SUPT3H: variants seen among roughly 807,000 people sequenced by gnomAD.
The protein encoded by SUPT3H is transcription initiation protein SPT3 homolog.
A neutral mutation model predicts 44.3 loss-of-function variants in SUPT3H; 44 were observed. That is an observed-to-expected ratio of 0.99 (90% CI 0.78 to 1.28). The LOEUF (loss-of-function observed/expected upper bound fraction) is 1.28. Among genes scored for constraint, SUPT3H ranks in the 50% most tolerant of loss-of-function variants. The probability of loss-of-function intolerance (pLI) is 0.00; values close to 1 mark genes in which losing one functional copy is unlikely to be tolerated. For synonymous variants in SUPT3H, 124 were observed against 125.6 expected, an observed-to-expected ratio of 0.99 and a Z score of 0.09; for missense variants, 380 against 387.1, an observed-to-expected ratio of 0.98 and a Z score of 0.15.
intron 10 of SUPT3H, among the ~76,000 whole-genome samples, chr6:44,890,785 A>T (rs1005071330): frequency 6.6e-6 from 1 of 151,620 alleles, no homozygotes; most frequent in African/African-American, 2.4e-5. Flanking sequence ...AAAAAAGAAA[A>T]TGTGGCACAC....
At chr6:45,327,602 T>C (rs1323012633) in intron 2 of SUPT3H, among the ~76,000 whole-genome samples, 1 of 151,970 alleles carries the variant, frequency 6.6e-6, no homozygotes, top group African/African-American at 2.4e-5. Context: ...AAGGCCGCCA[T>C]CTAATAGATT....
intron 2 of SUPT3H, among the ~76,000 whole-genome samples, chr6:45,272,120 T>C (rs966971189): frequency 6.6e-6 from 1 of 152,212 alleles, no homozygotes; most frequent in African/African-American, 2.4e-5. Flanking sequence ...TTGCCTTGTC[T>C]CAGATGAGAC....
chr6:45,223,121 T>C (rs186820409), intron 2 of SUPT3H, among the ~76,000 whole-genome samples: 2 of 152,228 alleles, frequency 1.3e-5, no homozygotes, highest in Admixed American at 1.3e-4. Context: ...AGAACTGTTA[T>C]GTGTCTTGAC....
intron 2 of SUPT3H, among the ~76,000 whole-genome samples, chr6:45,188,488 A>G (rs922966336): frequency 6.6e-6 from 1 of 152,242 alleles, no homozygotes; most frequent in Non-Finnish European, 1.5e-5. Flanking sequence ...TCTAATTTAT[A>G]GCAATCAGGT....
At chr6:44,888,525 C>T (rs528312221) in intron 10 of SUPT3H, among the ~76,000 whole-genome samples, 7 of 152,210 alleles carry the variant, frequency 4.6e-5, no homozygotes, top group African/African-American at 9.6e-5. Flanking sequence ...CACATGATTA[C>T]CTCAATAGAT....
At chr6:44,911,398 G>GT (rs1767024641) in intron 10 of SUPT3H, among the ~76,000 whole-genome samples, 1 of 152,108 alleles carries the variant, frequency 6.6e-6, no homozygotes, top group Admixed American at 6.5e-5. Context: ...GAATGTCACT[G>GT]TTATTGACAC....
chr6:45,165,963 C>T (rs1341935424), intron 2 of SUPT3H, among the ~76,000 whole-genome samples: 5 of 152,110 alleles, frequency 3.3e-5, no homozygotes, highest in African/African-American at 4.8e-5. Flanking sequence ...TGATAAAAGA[C>T]GTGTATCTAG....
At position 45,309,689 on chromosome 6, in the gene SUPT3H, G is replaced by A. The variant is rs113422326; in HGVS notation, c.101+55512C>T. Among the ~76,000 whole-genome samples, 1,374 of 152,036 alleles carry A rather than the reference G, an allele frequency of 9.0e-3. 14 individuals carry two copies. Among genetic ancestry groups the A allele is most frequent in the South Asian group, 0.028 (135 of 4,808 alleles). On this transcript the variant is annotated intron_variant, in intron 2 of 10. Transcript: ENST00000371459. ...TTAATCCAAACAAGAATAGACGAAG[G>A]TATATTATAACCAAACTGTCAGAAA...
intron 2 of SUPT3H, among the ~76,000 whole-genome samples, chr6:45,354,559 A>G (rs980331313): frequency 2.0e-5 from 3 of 152,074 alleles, no homozygotes; most frequent in African/African-American, 7.2e-5. Context: ...TTCCTTGGAT[A>G]ATAAGGGGCT....
chr6:44,909,928 T>C (rs989724532), intron 10 of SUPT3H, among the ~76,000 whole-genome samples: 3 of 152,228 alleles, frequency 2.0e-5, no homozygotes, highest in African/African-American at 7.2e-5. Flanking sequence ...ATGAGAACTC[T>C]CACGAATTGC....
intron 10 of SUPT3H, among the ~76,000 whole-genome samples, chr6:44,831,695 G>A: frequency 6.6e-6 from 1 of 152,130 alleles, no homozygotes; most frequent in East Asian, 1.9e-4. Flanking sequence ...TAAACATACA[G>A]TGTTGAAGTG....
chr6:45,284,899 C>G (rs539893203), intron 2 of SUPT3H, among the ~76,000 whole-genome samples: 8 of 152,308 alleles, frequency 5.3e-5, no homozygotes, highest in African/African-American at 1.9e-4. Context: ...CCACCATGAT[C>G]AAGTGGGCTT....
intron 6 of SUPT3H, among the ~76,000 whole-genome samples, chr6:44,990,086 G>A (rs1259724662): frequency 2.0e-5 from 3 of 152,070 alleles, no homozygotes; most frequent in Non-Finnish European, 4.4e-5. Context: ...CAACGTCAAG[G>A]AGCTTTGCCC....
intron 10 of SUPT3H, among the ~76,000 whole-genome samples, chr6:44,831,527 C>A (rs1420641866): frequency 6.6e-6 from 1 of 152,202 alleles, no homozygotes; most frequent in Non-Finnish European, 1.5e-5. Context: ...GGCTGCCTTA[C>A]AGAGAGGCTT....
chr6:45,130,000 A>T (rs975803366), intron 2 of SUPT3H, among the ~76,000 whole-genome samples: 2 of 152,230 alleles, frequency 1.3e-5, no homozygotes, highest in African/African-American at 2.4e-5. Flanking sequence ...AATATTCTAA[A>T]GATTATTTTT....
Position 45,024,491 on chromosome 6 carries a change from CCT to C in SUPT3H, c.187-3861_187-3860del, listed in dbSNP as rs150163025. ...ATTCTTGCTCTAAGATTAATAATTCCCTGTTATCTAAATTCAATGTGGTCTTT... is the reference window on the plus strand; with the variant it reads ...ATTCTTGCTCTAAGATTAATAATTCCGTTATCTAAATTCAATGTGGTCTTT... On this transcript the variant is annotated intron_variant, in intron 3 of 10. Coordinates refer to ENST00000371459, the MANE Select transcript of SUPT3H (RefSeq NM_003599.4). Among the ~76,000 whole-genome samples the C allele has an allele frequency of 5.5e-3, 832 of 152,066 alleles. 12 individuals carry two copies. Among genetic ancestry groups the C allele is most frequent in the African/African-American group, 0.019 (797 of 41,458 alleles).
At chr6:44,979,582 GA>G (rs1203584589) in intron 6 of SUPT3H, among the ~76,000 whole-genome samples, 4 of 152,104 alleles carry the variant, frequency 2.6e-5, no homozygotes, top group African/African-American at 9.7e-5. Flanking sequence ...AGGTTAAGTG[GA>G]GCTTTGGAAT....
At chr6:45,370,199 G>C (rs112607097) in intron 1 of SUPT3H, among the ~76,000 whole-genome samples, 2 of 152,206 alleles carry the variant, frequency 1.3e-5, no homozygotes, top group South Asian at 4.1e-4. Context: ...ACAGTGGGTT[G>C]AATTAGTTTA....
intron 2 of SUPT3H, among the ~76,000 whole-genome samples, chr6:45,265,889 A>C (rs1028962947): frequency 1.3e-5 from 2 of 152,080 alleles, no homozygotes; most frequent in Non-Finnish European, 2.9e-5. Context: ...AGAAGATAAA[A>C]TATATCAAAA....
Sources: allele counts gnomAD v4.1 joint callset (sites outside exome capture counted in the v4.1 genomes callset), GRCh38; gene constraint gnomAD v4.1.1; transcripts MANE v1.5; gene names NCBI Gene and HGNC (gene_info 2026-07-23, HGNC 2026-07-21).